CD163: variants seen among roughly 807,000 people sequenced by gnomAD.
CD163 encodes the protein scavenger receptor cysteine-rich type 1 protein M130.
CD163 carries 64 observed loss-of-function variants against 129.2 expected under a neutral mutation model. That is an observed-to-expected ratio of 0.50 (90% CI 0.41 to 0.61). The LOEUF is 0.61. CD163 is among the 20% of genes least tolerant of loss of function. The pLI, the probability that CD163 is intolerant of heterozygous loss-of-function variation, is 0.00. For missense variants in CD163, 1,061 were observed against 1,377.9 expected (o/e 0.77, Z 3.64); for synonymous variants, 446 against 478.5 (o/e 0.93, Z 0.89).
intron 2 of CD163, among the ~76,000 whole-genome samples, chr12:7,501,748 T>C (rs1306083859): frequency 6.6e-6 from 1 of 152,204 alleles, no homozygotes; most frequent in African/African-American, 2.4e-5. Context: ...ATTTATATAA[T>C]TCCTGTGAAG....
chr12:7,492,485 T>C (rs1476413736), intron 6 of CD163, among the ~76,000 whole-genome samples: 3 of 152,110 alleles, frequency 2.0e-5, no homozygotes. Context: ...GTCTTACACA[T>C]GGTAAAATAT....
At position 7,486,823 on chromosome 12, in the gene CD163, G is replaced by C; in HGVS notation, c.2144-10C>G. ...CGAAGTTGACCACTCTCTGCAAAGA[G>C]AAATGAAACTATTAATAATGAGCAT... is the stretch of plus-strand genomic sequence containing the variant. On this transcript the variant is annotated splice_polypyrimidine_tract_variant and intron_variant, in intron 9 of 16. Coordinates refer to ENST00000432237, the MANE Select transcript of CD163 (RefSeq NM_203416.4). 2 of 1,606,998 alleles carry C rather than the reference G, an allele frequency of 1.2e-6. No homozygotes were observed. The highest frequency in any genetic ancestry group is 1.1e-5 in the South Asian group (1 of 90,490).
chr12:7,480,058 C>T, intron 15 of CD163, 145 bp from the exon 16 acceptor site: 1 of 1,504,138 alleles, frequency 6.6e-7, no homozygotes, highest in East Asian at 2.3e-5. Context: ...AACTGTGAGG[C>T]TCTTTGAGCA....
chr12:7,478,970 T>A (rs1191120306), intron 16 of CD163, among the ~76,000 whole-genome samples: 1 of 152,054 alleles, frequency 6.6e-6, no homozygotes, highest in Non-Finnish European at 1.5e-5. Context: ...TACGTCTTGT[T>A]CACATTTGAA....
intron 16 of CD163, among the ~76,000 whole-genome samples, chr12:7,477,123 C>G (rs1565832410): frequency 6.6e-6 from 1 of 152,148 alleles, no homozygotes; most frequent in Non-Finnish European, 1.5e-5. Context: ...AATAGAAATG[C>G]TTTTACAGTG....
At chr12:7,499,567 G>A (rs1325074955) in intron 3 of CD163, among the ~76,000 whole-genome samples, 1 of 152,060 alleles carries the variant, frequency 6.6e-6, no homozygotes, top group Non-Finnish European at 1.5e-5. Context: ...AAAGCAAATT[G>A]ATTAACTCCA....
At chr12:7,490,559 A>G (rs957454062) in intron 6 of CD163, among the ~76,000 whole-genome samples, 1 of 152,026 alleles carries the variant, frequency 6.6e-6, no homozygotes, top group African/African-American at 2.4e-5. Context: ...AGTCCTTTAT[A>G]GATACCTGCT....
At chr12:7,479,129 T>C (rs932394714) in intron 16 of CD163, among the ~76,000 whole-genome samples, 1 of 152,122 alleles carries the variant, frequency 6.6e-6, no homozygotes, top group African/African-American at 2.4e-5. Context: ...GACCATTCAT[T>C]ACAGGGCTCT....
Position 7,488,037 on chromosome 12 carries a change from C to T in CD163, c.1471G>A (p.Val491Ile). The T allele has an allele frequency of 3.7e-6, 6 of 1,614,070 alleles. No individual in the cohort carries two copies. Among genetic ancestry groups the T allele is most frequent in the Non-Finnish European group, 5.1e-6 (6 of 1,179,984 alleles). Residue 491 changes from valine (V) to isoleucine (I), a missense_variant, in exon 7 of 17, where the codon GTT (valine) becomes ATT (isoleucine). Val to Ile is a conservative substitution (Grantham distance 29). Transcript: ENST00000432237. ...VGGDIPCSGR[V>I]EVKHGDTWGS... is the part of the protein sequence containing the mutation. The stretch of plus-strand genomic sequence containing the variant: ...CACGTGTCACCATGCTTCACTTCAA[C>T]ACGTCCAGAACAGGGAATGTCCCCT...
rs149552884 is a variant in CD163, at chr12:7,479,896, G to A, written c.3361C>T (p.His1121Tyr). ...ATAAATTCCCATTTTCCTTTTCAGT[G>A]TGGCTCAGAATGGCCTCCTTTTCCA... is the stretch of plus-strand genomic sequence containing the variant. ...MNSSGGHSEP[H>Y] is the part of the protein sequence containing the mutation. Residue 1121 changes from histidine (H) to tyrosine (Y), a missense_variant, in exon 16 of 17, where the codon CAC becomes TAC. Physicochemically the swap from His to Tyr is moderately conservative, Grantham distance 83. Coordinates refer to ENST00000432237, the MANE Select transcript of CD163 (RefSeq NM_203416.4). 16 of 1,612,512 alleles carry A rather than the reference G, an allele frequency of 9.9e-6. No homozygotes were observed. The African/African-American group carries it at 1.3e-4, about 13-fold the overall frequency.
chr12:7,474,204 T>G (rs1479009745), intron 16 of CD163, among the ~76,000 whole-genome samples: 1 of 152,150 alleles, frequency 6.6e-6, no homozygotes, highest in Admixed American at 6.5e-5. Context: ...ATTCAGGACC[T>G]GAACACAGCT....
chr12:7,478,106 C>T (rs569569167), intron 16 of CD163, among the ~76,000 whole-genome samples: 31 of 152,174 alleles, frequency 2.0e-4, no homozygotes, highest in Non-Finnish European at 3.7e-4. Flanking sequence ...AATTGGCATT[C>T]ACTTTGTTTC....
intron 1 of CD163, 89 bp downstream of exon 1, chr12:7,503,556 C>T (rs778162057): frequency 1.9e-5 from 16 of 840,422 alleles, no homozygotes; most frequent in Non-Finnish European, 5.8e-6. Flanking sequence ...TCTCCTGATG[C>T]CAATCACTTT....
Position 7,487,130 on chromosome 12 carries a change from G to T in CD163, c.2051-144C>A. On this transcript the variant is annotated intron_variant, in intron 8 of 16. Coordinates refer to ENST00000432237, the MANE Select transcript of CD163 (RefSeq NM_203416.4). The surrounding 1 kb of genome is among the most constrained non-coding windows in gnomAD (Gnocchi z 5.1). ...TCAACAAGTTTGAAATAAATCAGGT[G>T]CTTTGAGATGGGCTTGGCACATAGT... The T allele has an allele frequency of 1.2e-6, 1 of 806,630 alleles. No homozygotes were observed. The highest frequency in any genetic ancestry group is 2.0e-6 in the Non-Finnish European group (1 of 511,562). The allele number at this position is 806,630 out of a possible 1,614,324, so 50.0% of individuals were successfully genotyped here.
intron 16 of CD163, among the ~76,000 whole-genome samples, chr12:7,472,405 C>G (rs916445549): frequency 6.6e-6 from 1 of 152,218 alleles, no homozygotes; most frequent in African/African-American, 2.4e-5. Context: ...TGTTCTGCAG[C>G]CTTCGCTGGT....
intron 2 of CD163, 103 bp from the exon 3 acceptor site, chr12:7,501,565 A>G (rs1949490361): frequency 3.7e-6 from 3 of 813,884 alleles, no homozygotes; most frequent in Admixed American, 2.0e-5. Context: ...AGATTTGAGA[A>G]CCATCCTAGT....
rs1388449129 is a variant in CD163 at position 7,499,046 on chromosome 12, A to C, written c.600T>G (p.Leu200=). The change falls in exon 4 of 17, where the codon CTT becomes CTG. Residue 200 remains leucine (L), a synonymous_variant. Transcript: ENST00000432237. ...IDHASVICRQ[L]ECGSAVSFSG... is the part of the protein sequence containing the mutation. Reference sequence around the variant, plus strand: ...AGAAACTGACAGCACTTCCACATTCAAGTTGTCTACAAATGACAGATGCAT... The same window carrying C: ...AGAAACTGACAGCACTTCCACATTCCAGTTGTCTACAAATGACAGATGCAT... The C allele has an allele frequency of 6.2e-7, 1 of 1,614,160 alleles. No individual in the cohort carries two copies.
At chr12:7,500,893 G>A (rs1424680086) in intron 3 of CD163, among the ~76,000 whole-genome samples, 1 of 151,886 alleles carries the variant, frequency 6.6e-6, no homozygotes, top group Non-Finnish European at 1.5e-5. Flanking sequence ...CCACTTCTTG[G>A]CTTTTTGGCT....
At chr12:7,478,617 G>A (rs1949119887) in intron 16 of CD163, among the ~76,000 whole-genome samples, 1 of 151,884 alleles carries the variant, frequency 6.6e-6, no homozygotes, top group Non-Finnish European at 1.5e-5. Context: ...GTATCTATGT[G>A]TGTATATATA....
Sources: allele counts gnomAD v4.1 joint callset (sites outside exome capture counted in the v4.1 genomes callset), GRCh38; gene constraint gnomAD v4.1.1; non-coding constraint Gnocchi (gnomAD v3.1); transcripts MANE v1.5; gene names NCBI Gene and HGNC (gene_info 2026-07-23, HGNC 2026-07-21).